PARD3: variants seen among roughly 807,000 people sequenced by gnomAD.
PARD3 encodes the protein partitioning defective 3 homolog.
Under a neutral mutation model 155.4 loss-of-function variants are expected in PARD3, and 75 were observed. The ratio of observed to expected loss-of-function variants is 0.48; its 90% CI spans 0.40 to 0.58. The LOEUF is 0.58. Ranked by LOEUF, PARD3 falls within the 20% of genes least tolerant of loss-of-function variation. The probability of loss-of-function intolerance (pLI) is 0.00; values close to 1 mark genes in which losing one functional copy is unlikely to be tolerated. For missense variants in PARD3, 1,642 were observed against 1,721.7 expected (o/e 0.95, Z 0.82); for synonymous variants, 576 against 610.5 (o/e 0.94, Z 0.83).
At chr10:34,125,360 C>T (rs976153873) in intron 23 of PARD3, among the ~76,000 whole-genome samples, 4 of 152,146 alleles carry the variant, frequency 2.6e-5, no homozygotes, top group Admixed American at 6.5e-5. Context: ...CCACCGTGCC[C>T]GGCCCTCCAG....
At chr10:34,155,743 G>A (rs1050279844) in intron 22 of PARD3, among the ~76,000 whole-genome samples, 7 of 149,010 alleles carry the variant, frequency 4.7e-5, no homozygotes, top group Admixed American at 2.7e-4. Flanking sequence ...TTTTGCTCTC[G>A]TGGCAGCAAC....
intron 2 of PARD3, among the ~76,000 whole-genome samples, chr10:34,568,656 C>A (rs2086149003): frequency 6.6e-6 from 1 of 152,148 alleles, no homozygotes. Context: ...GGCGTGACCT[C>A]CCCTGTTCTC....
chr10:34,276,675 A>T lies in PARD3; in HGVS notation c.3177-6776T>A, dbSNP rs368463593. The stretch of plus-strand genomic sequence containing the variant: ...CGGGAATAACCACCGAAGTGACCAA[A>T]CTCCTTAGGATGGAAAACCAGTGGT... On this transcript the variant is annotated intron_variant, in intron 21 of 24. Coordinates refer to ENST00000374788, the MANE Select transcript of PARD3 (RefSeq NM_001184785.2). Among the ~76,000 whole-genome samples, 36 of 152,188 alleles carry T rather than the reference A, an allele frequency of 2.4e-4. No homozygotes were observed. In the East Asian group the frequency reaches 6.0e-3, roughly 25 times the overall value.
intron 2 of PARD3, among the ~76,000 whole-genome samples, chr10:34,595,699 C>T (rs921769240): frequency 2.0e-5 from 3 of 151,922 alleles, no homozygotes; most frequent in African/African-American, 7.3e-5. Flanking sequence ...GAAACAGACA[C>T]AAAATAAAAT....
At chr10:34,423,037 TTGTTTATCAACAG>T in intron 5 of PARD3, among the ~76,000 whole-genome samples, 1 of 152,262 alleles carries the variant, frequency 6.6e-6, no homozygotes, top group Non-Finnish European at 1.5e-5. Flanking sequence ...ACCTATCTTG[TTGTTTATCAACAG>T]TGTTTATCAA....
chr10:34,390,641 G>A (rs1842794326), intron 7 of PARD3, among the ~76,000 whole-genome samples: 4 of 152,122 alleles, frequency 2.6e-5, no homozygotes, highest in South Asian at 2.1e-4. Context: ...GACAATCCCC[G>A]TGCCAATAAA....
chr10:34,321,592 TTC>T (rs1305207330), intron 19 of PARD3, among the ~76,000 whole-genome samples: 1 of 152,220 alleles, frequency 6.6e-6, no homozygotes, highest in Non-Finnish European at 1.5e-5. Context: ...ACTTTCAAGT[TTC>T]TTTTTTTAAA....
rs140482643 is a variant in PARD3, at chr10:34,463,367, G to A, written c.582+6718C>T. Among the ~76,000 whole-genome samples, 1,131 of 123,272 alleles carry A rather than the reference G, an allele frequency of 9.2e-3. 35 individuals are homozygous for A. Among genetic ancestry groups the A allele is most frequent in the Admixed American group, 0.059 (716 of 12,068 alleles). 80.9% of individuals were successfully genotyped at this position (123,272 alleles called of 152,430 possible). ...AAGGGGAAGGGGAAGGGGAGGGGAG[G>A]GGAGGGGAGGGGAAGGGGAAAAGGA... On this transcript the variant is annotated intron_variant, in intron 4 of 24. Coordinates refer to ENST00000374788, the MANE Select transcript of PARD3 (RefSeq NM_001184785.2).
At chr10:34,421,235 T>C (rs1418084343) in intron 5 of PARD3, among the ~76,000 whole-genome samples, 1 of 151,940 alleles carries the variant, frequency 6.6e-6, no homozygotes, top group Non-Finnish European at 1.5e-5. Context: ...CAAGGAAAAC[T>C]GCAAACTGAA....
At position 34,111,412 on chromosome 10, in the gene PARD3, G is replaced by A. The variant is rs549814889; in HGVS notation, c.3819C>T (p.Asn1273=). 1.6e-4 allele frequency: 261 copies of A among 1,614,174 alleles called. No homozygotes were observed. In the Admixed American group the frequency reaches 3.0e-3, roughly 19 times the overall value. Residue 1273 remains asparagine (N), a synonymous_variant, in exon 25 of 25, where the codon AAC becomes AAT. Coordinates refer to ENST00000374788, the MANE Select transcript of PARD3 (RefSeq NM_001184785.2). The part of the protein sequence containing the change: ...RNGYLGGHGF[N]ARVMLETQEL... ...CCTGAGTTTCCAGCATGACCCTGGCGTTGAAGCCATGTCCTCCCAGGTAGC... is the reference window on the plus strand; with the variant it reads ...CCTGAGTTTCCAGCATGACCCTGGCATTGAAGCCATGTCCTCCCAGGTAGC...
intron 23 of PARD3, among the ~76,000 whole-genome samples, chr10:34,126,885 G>C (rs1284182102): frequency 1.3e-5 from 2 of 151,468 alleles, no homozygotes; most frequent in African/African-American, 2.4e-5. Flanking sequence ...CATTTCTAAG[G>C]TAATCAGCCT....
intron 2 of PARD3, among the ~76,000 whole-genome samples, chr10:34,524,209 G>A (rs762571751): frequency 2.4e-4 from 37 of 152,168 alleles, no homozygotes; most frequent in Non-Finnish European, 4.4e-4. Context: ...GCAGGAGAGG[G>A]CAGAACATTC....
chr10:34,406,035 A>G (rs1589452452), intron 5 of PARD3, among the ~76,000 whole-genome samples: 1 of 152,210 alleles, frequency 6.6e-6, no homozygotes, highest in East Asian at 1.9e-4. Context: ...TCATCTGTAC[A>G]AAATGCCAAG....
intron 22 of PARD3, among the ~76,000 whole-genome samples, chr10:34,198,924 T>C (rs1425121232): frequency 6.6e-6 from 1 of 152,116 alleles, no homozygotes; most frequent in Admixed American, 6.5e-5. Context: ...TGGTTCAACT[T>C]TTATGCAACC....
At chr10:34,315,779 G>C (rs1957969250) in intron 20 of PARD3, among the ~76,000 whole-genome samples, 1 of 152,174 alleles carries the variant, frequency 6.6e-6, no homozygotes, top group Non-Finnish European at 1.5e-5. Flanking sequence ...ATGATGAGGG[G>C]GCCCTGTGTA....
At chr10:34,509,420 C>T (rs2081275821) in intron 3 of PARD3, among the ~76,000 whole-genome samples, 1 of 152,072 alleles carries the variant, frequency 6.6e-6, no homozygotes, top group African/African-American at 2.4e-5. Flanking sequence ...GCCAGTATGT[C>T]CATGAGGCAG....
chr10:34,513,270 T>C (rs1447718940), intron 3 of PARD3, among the ~76,000 whole-genome samples: 2 of 152,154 alleles, frequency 1.3e-5, no homozygotes, highest in Non-Finnish European at 2.9e-5. Context: ...CTCTCCCTTC[T>C]CCATAGGTTG....
chr10:34,152,398 CT>C (rs1948820436), intron 22 of PARD3, among the ~76,000 whole-genome samples: 2 of 152,338 alleles, frequency 1.3e-5, no homozygotes. Context: ...GGCAGCAAAC[CT>C]GTACAGCATG....
At chr10:34,718,143 CCAT>C (rs1430194234) in intron 1 of PARD3, among the ~76,000 whole-genome samples, 1 of 127,852 alleles carries the variant, frequency 7.8e-6, no homozygotes, top group East Asian at 2.2e-4. Flanking sequence ...AACAGAGACT[CCAT>C]CTCAAAAAAA....
Sources: allele counts gnomAD v4.1 joint callset (sites outside exome capture counted in the v4.1 genomes callset), GRCh38; gene constraint gnomAD v4.1.1; transcripts MANE v1.5; gene names NCBI Gene and HGNC (gene_info 2026-07-23, HGNC 2026-07-21).